TRPM7: variants seen among roughly 807,000 people sequenced by gnomAD.
TRPM7 encodes the protein LTRPC ion channel family member 7.
In TRPM7, 134 loss-of-function variants were observed where a neutral mutation model predicts 229.7. The observed-to-expected ratio is 0.58, with a 90% confidence interval of 0.51 to 0.67. The LOEUF (loss-of-function observed/expected upper bound fraction) is 0.67. TRPM7 is among the 30% of genes least tolerant of loss of function. The pLI is 0.00. For missense variants in TRPM7, 1,901 were observed against 2,210.0 expected, an observed-to-expected ratio of 0.86 and a Z score of 2.80; for synonymous variants, 699 against 715.2, an observed-to-expected ratio of 0.98 and a Z score of 0.36.
intron 1 of TRPM7, among the ~76,000 whole-genome samples, chr15:50,663,622 G>A (rs998492931): frequency 6.6e-6 from 1 of 152,122 alleles, no homozygotes; most frequent in African/African-American, 2.4e-5. Flanking sequence ...TTCCCACTAC[G>A]AACCAAAAAC....
intron 2 of TRPM7, 62 bp downstream of exon 2, chr15:50,662,905 A>G: frequency 8.4e-7 from 1 of 1,189,096 alleles, no homozygotes; most frequent in Non-Finnish European, 1.2e-6. Flanking sequence ...CAATAAAGAA[A>G]TAACAATATA....
intron 23 of TRPM7, 97 bp downstream of exon 23, chr15:50,596,155 CAAT>C (rs2059624862): frequency 2.6e-6 from 2 of 777,210 alleles, no homozygotes; most frequent in Non-Finnish European, 3.6e-6. Context: ...GTTTAAGCCT[CAAT>C]AAAATTTTTA....
At chr15:50,568,565 C>CA in intron 38 of TRPM7, among the ~76,000 whole-genome samples, 1 of 152,258 alleles carries the variant, frequency 6.6e-6, no homozygotes, top group Admixed American at 6.5e-5. Context: ...AAAACCAACT[C>CA]ATTAAGTCCT....
At chr15:50,614,665 A>G (rs976463517) in intron 13 of TRPM7, among the ~76,000 whole-genome samples, 1 of 38,364 alleles carries the variant, frequency 2.6e-5, no homozygotes, top group African/African-American at 1.2e-4. Context: ...ACTTGGTCTC[A>G]AAAAAAAAAA....
At chr15:50,662,021 C>T (rs1461451393) in intron 2 of TRPM7, among the ~76,000 whole-genome samples, 1 of 152,078 alleles carries the variant, frequency 6.6e-6, no homozygotes, top group Non-Finnish European at 1.5e-5. Context: ...GGTTCAAGAC[C>T]AGCCTGGCCA....
At chr15:50,594,165 T>G (rs1242694614) in intron 24 of TRPM7, among the ~76,000 whole-genome samples, 2 of 152,202 alleles carry the variant, frequency 1.3e-5, no homozygotes, top group African/African-American at 4.8e-5. Flanking sequence ...TAAAAATGGT[T>G]TGTAGAACAA....
intron 23 of TRPM7, among the ~76,000 whole-genome samples, 187 bp from the exon 24 acceptor site, chr15:50,594,800 T>C (rs2059592602): frequency 6.6e-6 from 1 of 152,088 alleles, no homozygotes; most frequent in Non-Finnish European, 1.5e-5. Context: ...AAGACTAACA[T>C]TCAGCAGAAA....
chr15:50,583,277 C>A, intron 28 of TRPM7, 118 bp from the exon 29 acceptor site: 1 of 553,446 alleles, frequency 1.8e-6, no homozygotes, highest in Non-Finnish European at 3.1e-6. Context: ...CTCAACCTTT[C>A]CTCAACACGC....
rs1026128135 is a variant in TRPM7, at chr15:50,561,046, A to AC, written c.*631dup. 1 of 150,830 alleles carries AC rather than the reference A, an allele frequency of 6.6e-6. No individual in the cohort carries two copies. The highest frequency in any genetic ancestry group is 2.4e-5 in the African/African-American group (1 of 41,098). The allele number at this position is 150,830 out of a possible 1,614,324, so 9.3% of individuals were successfully genotyped here. ...ATTTGGGTTCTATTTAAAAAAAAAAACTGGCTCTATCTTTAAATATGGAGC... is the reference window on the plus strand; with the variant it reads ...ATTTGGGTTCTATTTAAAAAAAAAAACCTGGCTCTATCTTTAAATATGGAGC... On this transcript the variant is annotated 3_prime_UTR_variant, in exon 39 of 39. Coordinates refer to ENST00000646667, the MANE Select transcript of TRPM7 (RefSeq NM_017672.6).
chr15:50,582,265 G>A (rs918326545), intron 29 of TRPM7, among the ~76,000 whole-genome samples: 3 of 151,790 alleles, frequency 2.0e-5, no homozygotes, highest in African/African-American at 7.3e-5. Context: ...AGCCCCCACC[G>A]AGTTTTTTTT....
chr15:50,650,076 C>T (rs1265407012), intron 3 of TRPM7, among the ~76,000 whole-genome samples: 1 of 151,102 alleles, frequency 6.6e-6, no homozygotes, highest in Non-Finnish European at 1.5e-5. Context: ...GCCTGTAATC[C>T]CAGCTACTCA....
rs753248840 is a variant in TRPM7 at position 50,574,986 on chromosome 15, C to T, written c.4885G>A (p.Val1629Ile). Residue 1629 changes from valine (V) to isoleucine (I), a missense_variant, in exon 34 of 39, where the codon GTA becomes ATA. By Grantham distance (29) the Val-to-Ile change is conservative (BLOSUM62 3). Coordinates refer to ENST00000646667, the MANE Select transcript of TRPM7 (RefSeq NM_017672.6). ...TCATGTTCTGACCAGGTACACTGTA[C>T]TTTGACAGCTCTTCGTAAACCTCCT... ...MGGGLRRAVK[V>I]QCTWSEHDIL... 1.2e-6 allele frequency: 2 copies of T among 1,614,104 alleles called. No homozygotes were observed. Among genetic ancestry groups the T allele is most frequent in the Admixed American group, 3.3e-5 (2 of 60,014 alleles).
intron 1 of TRPM7, among the ~76,000 whole-genome samples, chr15:50,678,459 T>C (rs904468290): frequency 1.3e-5 from 2 of 149,194 alleles, no homozygotes; most frequent in Non-Finnish European, 3.0e-5. Flanking sequence ...TTCAATACAT[T>C]TGACTTTCTG....
chr15:50,573,987 G>A (rs1456338285), intron 36 of TRPM7, among the ~76,000 whole-genome samples: 1 of 151,548 alleles, frequency 6.6e-6, no homozygotes, highest in East Asian at 1.9e-4. Flanking sequence ...AATCCGGGAG[G>A]CGGAAGTTGC....
intron 2 of TRPM7, among the ~76,000 whole-genome samples, chr15:50,661,298 T>C (rs994664855): frequency 2.6e-5 from 4 of 152,102 alleles, no homozygotes; most frequent in Non-Finnish European, 5.9e-5. Flanking sequence ...TCTTATAAAA[T>C]ATCTGTAGTA....
chr15:50,583,147 C>T lies in TRPM7; in HGVS notation c.4499G>A (p.Ser1500Asn). The change falls in exon 29 of 39, where the codon AGT becomes AAT. Residue 1500 changes from serine (S) to asparagine (N), a missense_variant. This residue lies in a region of TRPM7 where 533 missense variants were observed against 497.1 expected (regional missense o/e 1.07). Transcript: ENST00000646667. ...PVHSKQAEKI[S>N]RRPSTEDTHE... Reference sequence around the variant, plus strand: ...AGTGTCTTCGGTAGATGGCCTTCTACTGATTTTTTCTGCTAAAAGAAAATT... The same window carrying T: ...AGTGTCTTCGGTAGATGGCCTTCTATTGATTTTTTCTGCTAAAAGAAAATT... 6.3e-7 allele frequency: 1 copy of T among 1,594,980 alleles called. No homozygotes were observed. The highest frequency in any genetic ancestry group is 8.5e-7 in the Non-Finnish European group (1 of 1,175,792).
intron 38 of TRPM7, among the ~76,000 whole-genome samples, chr15:50,566,603 G>C (rs569662982): frequency 2.6e-5 from 4 of 152,262 alleles, no homozygotes; most frequent in Non-Finnish European, 4.4e-5. Flanking sequence ...GGCTGAAGCA[G>C]GAGAATCGTT....
At chr15:50,650,423 G>A (rs546649075) in intron 3 of TRPM7, among the ~76,000 whole-genome samples, 2 of 151,490 alleles carry the variant, frequency 1.3e-5, no homozygotes, top group African/African-American at 4.9e-5. Context: ...GACCAGGCAC[G>A]GTGGCTCATG....
chr15:50,627,113 C>T (rs192244269), intron 11 of TRPM7, among the ~76,000 whole-genome samples: 2 of 146,688 alleles, frequency 1.4e-5, no homozygotes, highest in South Asian at 4.2e-4. Flanking sequence ...CTTATTAATT[C>T]GGACATGTAA....
Sources: allele counts gnomAD v4.1 joint callset (sites outside exome capture counted in the v4.1 genomes callset), GRCh38; gene constraint gnomAD v4.1.1; regional missense constraint gnomAD v4.1.1; transcripts MANE v1.5; gene names NCBI Gene and HGNC (gene_info 2026-07-23, HGNC 2026-07-21).